The following IGF1R variants were observed in gnomAD, a reference collection of about 807,000 sequenced individuals.
IGF1R encodes insulin like growth factor 1 receptor.
IGF1R carries 44 observed loss-of-function variants against 144.6 expected under a neutral mutation model. The observed-to-expected ratio is 0.30, with a 90% CI of 0.24 to 0.39. The LOEUF (loss-of-function observed/expected upper bound fraction) is 0.39. Ranked by LOEUF, IGF1R falls within the 10% of genes least tolerant of loss-of-function variation. The probability of loss-of-function intolerance (pLI) is 1.00; values close to 1 mark genes in which losing one functional copy is unlikely to be tolerated. For synonymous variants in IGF1R, 795 were observed against 722.8 expected, an observed-to-expected ratio of 1.10 and a Z score of -1.60; for missense variants, 1,355 against 1,833.7, an observed-to-expected ratio of 0.74 and a Z score of 4.77.
chr15:98,697,986 C>T (rs917448894), intron 1 of IGF1R, among the ~76,000 whole-genome samples: 3 of 149,860 alleles, frequency 2.0e-5, no homozygotes, highest in African/African-American at 7.4e-5. Context: ...CCCCCTGCTT[C>T]GGCCTCCCGA....
intron 2 of IGF1R, among the ~76,000 whole-genome samples, chr15:98,793,137 A>G (rs1301968181): frequency 1.3e-5 from 2 of 152,218 alleles, no homozygotes; most frequent in African/African-American, 4.8e-5. Flanking sequence ...TGCCCCGATC[A>G]TAAAGTTCCA....
intron 1 of IGF1R, among the ~76,000 whole-genome samples, chr15:98,684,038 C>T (rs1401101086): frequency 1.3e-5 from 2 of 152,150 alleles, no homozygotes; most frequent in African/African-American, 2.4e-5. Flanking sequence ...ACCATGTGCC[C>T]GTGCTCAGCC....
At chr15:98,864,437 C>T (rs1177138719) in intron 2 of IGF1R, among the ~76,000 whole-genome samples, 1 of 152,224 alleles carries the variant, frequency 6.6e-6, no homozygotes, top group African/African-American at 2.4e-5. Flanking sequence ...GGCTGGAGTG[C>T]AGTGTTGCTC....
intron 13 of IGF1R, among the ~76,000 whole-genome samples, chr15:98,926,024 C>G (rs761787622): frequency 6.6e-5 from 10 of 152,232 alleles, no homozygotes; most frequent in Non-Finnish European, 1.5e-4. Context: ...CCCATGTTCA[C>G]TGCAGCACTA....
chr15:98,909,523 T>G (rs1171021712), intron 6 of IGF1R, among the ~76,000 whole-genome samples: 1 of 152,122 alleles, frequency 6.6e-6, no homozygotes, highest in Non-Finnish European at 1.5e-5. Context: ...CCTCCCAAAG[T>G]GCTGGGATTA....
intron 2 of IGF1R, among the ~76,000 whole-genome samples, chr15:98,815,121 C>T (rs1401221057): frequency 6.6e-6 from 1 of 152,156 alleles, no homozygotes; most frequent in African/African-American, 2.4e-5. Context: ...GGAATATTTT[C>T]AGTCAGTGAT....
intron 2 of IGF1R, among the ~76,000 whole-genome samples, chr15:98,824,631 G>A (rs182179508): frequency 6.6e-6 from 1 of 152,144 alleles, no homozygotes; most frequent in Admixed American, 6.5e-5. Context: ...CTGCCAAAAG[G>A]CTGGGCCCTT....
At chr15:98,772,334 T>C (rs1286372594) in intron 2 of IGF1R, among the ~76,000 whole-genome samples, 3 of 152,022 alleles carry the variant, frequency 2.0e-5, no homozygotes, top group Non-Finnish European at 4.4e-5. Flanking sequence ...ATATTTTTGA[T>C]ATACTGTTGT....
chr15:98,653,390 T>G (rs1043566798), intron 1 of IGF1R, among the ~76,000 whole-genome samples: 5 of 152,254 alleles, frequency 3.3e-5, no homozygotes, highest in Non-Finnish European at 1.5e-5. Flanking sequence ...AACACTCATT[T>G]TTTGATATGC....
At chr15:98,805,225 A>C (rs1182209067) in intron 2 of IGF1R, among the ~76,000 whole-genome samples, 2 of 152,184 alleles carry the variant, frequency 1.3e-5, no homozygotes, top group Non-Finnish European at 2.9e-5. Context: ...ACTTCCATTT[A>C]AACTTTATGC....
At chr15:98,940,963 G>A (rs1376031280) in intron 18 of IGF1R, among the ~76,000 whole-genome samples, 3 of 152,334 alleles carry the variant, frequency 2.0e-5, no homozygotes, top group Non-Finnish European at 2.9e-5. Context: ...AGAGCCGCCC[G>A]CGTCCCTGGC....
intron 2 of IGF1R, among the ~76,000 whole-genome samples, chr15:98,844,588 C>T (rs577933081): frequency 4.0e-4 from 61 of 151,754 alleles, no homozygotes; most frequent in Admixed American, 1.2e-3. Context: ...TCCTTGAGAT[C>T]AGAAAAAGTT....
chr15:98,721,328 A>G (rs1022753987), intron 2 of IGF1R, among the ~76,000 whole-genome samples: 1 of 152,178 alleles, frequency 6.6e-6, no homozygotes. Context: ...TCTCTCCCCA[A>G]ACAGTTGAGA....
chr15:98,847,294 T>C (rs2141547560), intron 2 of IGF1R, among the ~76,000 whole-genome samples: 1 of 152,308 alleles, frequency 6.6e-6, no homozygotes, highest in South Asian at 2.1e-4. Flanking sequence ...GTCCACTCTT[T>C]ACAGGGGGGC....
rs1381596820 is a variant in IGF1R at position 98,942,914 on chromosome 15, C to T, written c.3458-9C>T. The T allele has an allele frequency of 3.1e-6, 5 of 1,613,998 alleles. No homozygotes were observed. Among genetic ancestry groups the T allele is most frequent in the Non-Finnish European group, 4.2e-6 (5 of 1,179,988 alleles). On this transcript the variant is annotated splice_polypyrimidine_tract_variant and intron_variant, in intron 18 of 20. Coordinates refer to ENST00000650285, the MANE Select transcript of IGF1R (RefSeq NM_000875.5). ...AGCGTGTGACTCTGCGCCCTCTCTT[C>T]CCTTACAGATTTTGGTATGACGCGA...
At chr15:98,871,095 T>C (rs2012759390) in intron 2 of IGF1R, among the ~76,000 whole-genome samples, 1 of 152,238 alleles carries the variant, frequency 6.6e-6, no homozygotes. Flanking sequence ...CGTATGTTCT[T>C]GCTTGCAACT....
chr15:98,862,895 T>C lies in IGF1R; in HGVS notation c.641-28430T>C, dbSNP rs551341386. Among the ~76,000 whole-genome samples, 5 of 152,358 alleles carry C rather than the reference T, an allele frequency of 3.3e-5. No homozygotes were observed. In the South Asian group the frequency reaches 1.0e-3, roughly 32 times the overall value. On this transcript the variant is annotated intron_variant, in intron 2 of 20. Coordinates refer to ENST00000650285, the MANE Select transcript of IGF1R (RefSeq NM_000875.5). Reference sequence around the variant, plus strand: ...ACACCCTCCACCCAGCTTCCACAGATGTTAACATCTTACATAACCGTAATA... The same window carrying C: ...ACACCCTCCACCCAGCTTCCACAGACGTTAACATCTTACATAACCGTAATA...
intron 2 of IGF1R, among the ~76,000 whole-genome samples, chr15:98,785,305 C>T (rs900301611): frequency 2.3e-4 from 35 of 152,156 alleles, no homozygotes; most frequent in Admixed American, 1.4e-3. Flanking sequence ...CAGTCAGATA[C>T]TTGCAGTTCT....
At chr15:98,777,168 G>T (rs530887750) in intron 2 of IGF1R, among the ~76,000 whole-genome samples, 2 of 152,148 alleles carry the variant, frequency 1.3e-5, no homozygotes, top group Non-Finnish European at 2.9e-5. Context: ...CAGGAGGGGC[G>T]GGTGTCCTGA....
Sources: gnomAD v4.1 joint callset for allele counts (sites outside exome capture counted in the v4.1 genomes callset) on GRCh38, gnomAD v4.1.1 for gene constraint, MANE v1.5 for transcripts, NCBI Gene and HGNC (gene_info 2026-07-23, HGNC 2026-07-21) for gene names.